WWOX: variants seen among roughly 807,000 people sequenced by gnomAD.
WWOX encodes the protein WW domain-containing oxidoreductase.
WWOX carries 69 observed loss-of-function variants against 46.2 expected under a neutral mutation model. The ratio of observed to expected loss-of-function variants is 1.49; its 90% CI spans 1.23 to 1.82. The LOEUF (loss-of-function observed/expected upper bound fraction) is 1.82. WWOX is among the 40% of genes most tolerant of loss of function. The pLI, the probability that WWOX is intolerant of heterozygous loss-of-function variation, is 0.00. For missense variants in WWOX, 919 were observed against 542.6 expected, an observed-to-expected ratio of 1.69 and a Z score of -6.89; for synonymous variants, 359 against 202.6, an observed-to-expected ratio of 1.77 and a Z score of -6.56.
intron 8 of WWOX, among the ~76,000 whole-genome samples, chr16:78,886,926 C>T (rs1255367787): frequency 7.2e-5 from 11 of 152,050 alleles, no homozygotes; most frequent in Non-Finnish European, 2.9e-5. Context: ...ACCAAAGCTT[C>T]TATCCTATGA....
chr16:79,206,815 C>T (rs1451250231), intron 8 of WWOX: 1 of 151,516 alleles, frequency 6.6e-6, no homozygotes, highest in Non-Finnish European at 1.5e-5. Context: ...GCCAGGGAGG[C>T]CTATGAGCCT....
intron 8 of WWOX, among the ~76,000 whole-genome samples, chr16:79,100,346 C>A (rs972460815): frequency 6.6e-6 from 1 of 152,066 alleles, no homozygotes; most frequent in African/African-American, 2.4e-5. Flanking sequence ...TTTTTAAAAG[C>A]CTGAGAAACG....
chr16:78,433,667 T>C (rs1397197955), intron 8 of WWOX, among the ~76,000 whole-genome samples: 1 of 151,328 alleles, frequency 6.6e-6, no homozygotes, highest in Non-Finnish European at 1.5e-5. Context: ...AAAGAAGAAC[T>C]ATTGCAGGCC....
chr16:78,501,709 G>C (rs544452358), intron 8 of WWOX, among the ~76,000 whole-genome samples: 2 of 152,074 alleles, frequency 1.3e-5, no homozygotes, highest in South Asian at 4.2e-4. Flanking sequence ...GGTAATTTTT[G>C]TACTTTTATT....
chr16:78,923,306 T>C (rs553142936), intron 8 of WWOX, among the ~76,000 whole-genome samples: 16 of 152,238 alleles, frequency 1.1e-4, no homozygotes, highest in African/African-American at 3.9e-4. Flanking sequence ...CCTCTCCTTC[T>C]ACCTTGCCCA....
chr16:78,280,799 T>A (rs2151854169), intron 5 of WWOX: 1 of 152,328 alleles, frequency 6.6e-6, no homozygotes, highest in Non-Finnish European at 1.5e-5. Flanking sequence ...TTCAAAGTGA[T>A]AATAAAATAT....
intron 5 of WWOX, among the ~76,000 whole-genome samples, chr16:78,254,736 C>G (rs2038081475): frequency 6.6e-6 from 1 of 151,878 alleles, no homozygotes; most frequent in South Asian, 2.1e-4. Flanking sequence ...ACTCTGTTGC[C>G]CAGGCTGGTC....
chr16:78,301,287 A>G (rs1429572317), intron 5 of WWOX, among the ~76,000 whole-genome samples: 1 of 152,192 alleles, frequency 6.6e-6, no homozygotes, highest in Non-Finnish European at 1.5e-5. Context: ...CACACATTAC[A>G]TTTGGTATTG....
intron 5 of WWOX, among the ~76,000 whole-genome samples, chr16:78,303,355 T>C: frequency 6.6e-6 from 1 of 152,282 alleles, no homozygotes; most frequent in East Asian, 1.9e-4. Context: ...GCGCTTTAGG[T>C]ACCAGCCTTG....
At chr16:78,723,553 CCTT>C (rs755998053) in intron 8 of WWOX, among the ~76,000 whole-genome samples, 92 of 145,204 alleles carry the variant, frequency 6.3e-4, no homozygotes, top group Non-Finnish European at 1.0e-3. Flanking sequence ...TGATTCCCAG[CCTT>C]CTTTTCTTTT....
intron 4 of WWOX, among the ~76,000 whole-genome samples, chr16:78,154,525 C>G (rs915092301): frequency 9.6e-5 from 9 of 93,728 alleles, no homozygotes; most frequent in Non-Finnish European, 1.8e-4. Context: ...AGCACCCTGC[C>G]TTTTTGCTTG....
At chr16:78,664,304 C>T (rs989695558) in intron 8 of WWOX, among the ~76,000 whole-genome samples, 5 of 152,208 alleles carry the variant, frequency 3.3e-5, no homozygotes, top group Non-Finnish European at 5.9e-5. Flanking sequence ...CACACCCTGA[C>T]TCCCAGTGTG....
At chr16:78,292,769 G>A (rs2151861492) in intron 5 of WWOX, among the ~76,000 whole-genome samples, 1 of 152,298 alleles carries the variant, frequency 6.6e-6, no homozygotes, top group South Asian at 2.1e-4. Context: ...CTTCGTAGAA[G>A]AGCCAAATAG....
chr16:78,956,150 TTTG>T (rs1225713094), intron 8 of WWOX, among the ~76,000 whole-genome samples: 2 of 151,154 alleles, frequency 1.3e-5, no homozygotes, highest in African/African-American at 2.4e-5. Context: ...GTTTTGGGGG[TTTG>T]TTGTTGTTTT....
intron 8 of WWOX, among the ~76,000 whole-genome samples, chr16:79,174,728 T>C (rs1454265632): frequency 1.3e-5 from 2 of 152,208 alleles, no homozygotes; most frequent in Admixed American, 6.5e-5. Flanking sequence ...GAAGCCTAGA[T>C]GGTTCTTTTA....
intron 8 of WWOX, among the ~76,000 whole-genome samples, chr16:78,655,900 C>G (rs1326994773): frequency 6.6e-6 from 1 of 152,136 alleles, no homozygotes; most frequent in Non-Finnish European, 1.5e-5. Context: ...AGTACCCCAG[C>G]TCTGTATTCG....
chr16:78,402,542 A>C (rs934223942), intron 6 of WWOX, among the ~76,000 whole-genome samples: 1 of 152,010 alleles, frequency 6.6e-6, no homozygotes, highest in Non-Finnish European at 1.5e-5. Context: ...GGGCTTCAGC[A>C]CTTCCCCCAA....
chr16:78,729,928 G>A (rs754721941), intron 8 of WWOX, among the ~76,000 whole-genome samples: 2 of 152,138 alleles, frequency 1.3e-5, no homozygotes, highest in African/African-American at 4.8e-5. Flanking sequence ...AACAGACACA[G>A]TGCAATGCCA....
At chr16:78,899,782 G>A (rs1326731820) in intron 8 of WWOX, 1 of 152,160 alleles carries the variant, frequency 6.6e-6, no homozygotes, top group African/African-American at 2.4e-5. Flanking sequence ...GCATTAAGAC[G>A]AAAATCTTTT....
Sources: gnomAD v4.1 joint callset for allele counts (sites outside exome capture counted in the v4.1 genomes callset) on GRCh38, gnomAD v4.1.1 for gene constraint, MANE v1.5 for transcripts, NCBI Gene and HGNC (gene_info 2026-07-23, HGNC 2026-07-21) for gene names.